Variants in ADGRB1 observed in about 807,000 individuals in gnomAD.
ADGRB1 encodes the protein brain-specific angiogenesis inhibitor 1.
Under a neutral mutation model 175.7 loss-of-function variants are expected in ADGRB1, and 36 were observed. The observed-to-expected ratio is 0.20, with a 90% CI of 0.16 to 0.27. ADGRB1 has a LOEUF of 0.27. Among genes scored for constraint, ADGRB1 ranks in the 10% least tolerant of loss-of-function variants. The probability of loss-of-function intolerance (pLI) is 1.00; values close to 1 mark genes in which losing one functional copy is unlikely to be tolerated. For synonymous variants in ADGRB1, 1,054 were observed against 979.4 expected, an observed-to-expected ratio of 1.08 and a Z score of -1.42; for missense variants, 1,731 against 2,255.3, an observed-to-expected ratio of 0.77 and a Z score of 4.71.
chr8:142,455,689 T>TA lies in ADGRB1; in HGVS notation c.-220+5585_-220+5586insA, dbSNP rs1361650384. Among the ~76,000 whole-genome samples the TA allele has an allele frequency of 2.6e-5, 4 of 152,160 alleles. No homozygotes were observed. The highest frequency in any genetic ancestry group is 5.9e-5 in the Non-Finnish European group (4 of 68,028). On this transcript the variant is annotated intron_variant, in intron 1 of 30. Transcript: ENST00000517894. This position sits in a 1 kb window ranked among gnomAD's most constrained non-coding sequence, Gnocchi z 4.9. ...GGCCAGTTTTGGGGGTGCTGACTCTTGACTGAGACATGTGGTTGAGGGGTC... is the reference window on the plus strand; with the variant it reads ...GGCCAGTTTTGGGGGTGCTGACTCTTAGACTGAGACATGTGGTTGAGGGGTC...
At chr8:142,481,743 G>T in intron 11 of ADGRB1, 32 bp downstream of exon 11, 2 of 1,488,498 alleles carry the variant, frequency 1.3e-6, no homozygotes, top group Non-Finnish European at 9.0e-7. Context: ...TTGGAAGAGG[G>T]TGTCGGGAAG....
At chr8:142,495,143 C>CAG (rs1235835613) in intron 17 of ADGRB1, among the ~76,000 whole-genome samples, 1 of 152,100 alleles carries the variant, frequency 6.6e-6, no homozygotes, top group Non-Finnish European at 1.5e-5. Context: ...TCTTGGTAGG[C>CAG]AGTGTGGACA....
chr8:142,489,514 C>T (rs1841883294), intron 16 of ADGRB1, 76 bp downstream of exon 16: 1 of 1,498,892 alleles, frequency 6.7e-7, no homozygotes, highest in African/African-American at 1.4e-5. Context: ...TCCTCAGCCA[C>T]TAAGCCTTTG....
chr8:142,468,688 G>T (rs142643997), intron 2 of ADGRB1, among the ~76,000 whole-genome samples: 4 of 152,176 alleles, frequency 2.6e-5, no homozygotes, highest in Admixed American at 6.5e-5. Flanking sequence ...CTAGAGACCC[G>T]CAGGGCTCCC....
chr8:142,527,526 A>G (rs1844279854), intron 24 of ADGRB1, among the ~76,000 whole-genome samples: 1 of 151,578 alleles, frequency 6.6e-6, no homozygotes, highest in Non-Finnish European at 1.5e-5. Context: ...CTGGTGTCTG[A>G]TGCTGAGTGC....
Position 142,542,654 on chromosome 8 carries a change from G to T in ADGRB1, c.4413+7G>T. 1 of 1,542,176 alleles carries T rather than the reference G, an allele frequency of 6.5e-7. No homozygotes were observed. Among genetic ancestry groups the T allele is most frequent in the Admixed American group, 2.0e-5 (1 of 50,806 alleles). On this transcript the variant is annotated splice_region_variant and intron_variant, in intron 28 of 30. Coordinates refer to ENST00000517894, the MANE Select transcript of ADGRB1 (RefSeq NM_001702.3). This position sits in a 1 kb window ranked among gnomAD's most constrained non-coding sequence, Gnocchi z 6.3. ...GTCTGTGAGCTCCCTGGAGGTGAGG[G>T]GGGCAGGGGTGGGCCACACCCCAGC...
In ADGRB1 at chr8:142,481,722, C is replaced by G; in HGVS notation, c.2130+11C>G. On this transcript the variant is annotated intron_variant, in intron 11 of 30. Transcript: ENST00000517894. ...CCTGGGGACGTACAGGTGGGCTCCC[C>G]GAGCGGCATTTTGGAAGAGGGTGTC... 2 of 1,535,126 alleles carry G rather than the reference C, an allele frequency of 1.3e-6. No homozygotes were observed. The highest frequency in any genetic ancestry group is 1.7e-4 in the Middle Eastern group (1 of 5,726).
At chr8:142,489,553 G>T in intron 16 of ADGRB1, 115 bp downstream of exon 16, 3 of 1,167,664 alleles carry the variant, frequency 2.6e-6, no homozygotes, top group South Asian at 2.7e-5. Context: ...TTTAACCTTC[G>T]AGAGCTACTT....
At chr8:142,482,955 C>A (rs1053634218) in intron 11 of ADGRB1, among the ~76,000 whole-genome samples, 11 of 150,018 alleles carry the variant, frequency 7.3e-5, no homozygotes, top group Non-Finnish European at 1.5e-4. Flanking sequence ...TACACTGAGC[C>A]CTGACCCTGG....
intron 1 of ADGRB1, among the ~76,000 whole-genome samples, chr8:142,459,183 A>G (rs1839841261): frequency 6.6e-6 from 1 of 152,162 alleles, no homozygotes; most frequent in African/African-American, 2.4e-5. Flanking sequence ...TGCATGGAAC[A>G]CGCCTTTGGA....
rs899346112 is a variant in ADGRB1, at chr8:142,474,235, G to A, written c.785-1239G>A. ...CTTCTGGTGGGTCGGGGTGGCCTGT[G>A]CTTGGCCTGATTGCTGCCCCTGGGG... is the stretch of plus-strand genomic sequence containing the variant. On this transcript the variant is annotated intron_variant, in intron 2 of 30. Transcript: ENST00000517894. This position sits in a 1 kb window ranked among gnomAD's most constrained non-coding sequence, Gnocchi z 5.8. Among the ~76,000 whole-genome samples the A allele has an allele frequency of 2.0e-5, 3 of 152,014 alleles. No individual in the cohort carries two copies. Among genetic ancestry groups the A allele is most frequent in the Non-Finnish European group, 4.4e-5 (3 of 67,960 alleles).
At chr8:142,527,519 G>A (rs1045390009) in intron 24 of ADGRB1, among the ~76,000 whole-genome samples, 2 of 152,112 alleles carry the variant, frequency 1.3e-5, no homozygotes, top group African/African-American at 2.4e-5. Context: ...AGCCGAGCTG[G>A]TGTCTGATGC....
chr8:142,514,199 C>A (rs1220348911), intron 18 of ADGRB1, among the ~76,000 whole-genome samples: 1 of 151,970 alleles, frequency 6.6e-6, no homozygotes, highest in Non-Finnish European at 1.5e-5. Flanking sequence ...ACAGGGGCTG[C>A]TGACCAGGAC....
chr8:142,486,284 A>G (rs957298924), intron 13 of ADGRB1, among the ~76,000 whole-genome samples: 8 of 152,194 alleles, frequency 5.3e-5, no homozygotes. Context: ...TGCAAACCAG[A>G]TGAAAGGAAT....
At chr8:142,528,132 C>T (rs150372266) in intron 24 of ADGRB1, among the ~76,000 whole-genome samples, 2,133 of 152,342 alleles carry the variant, frequency 0.014, 26 homozygotes, top group Non-Finnish European at 0.021. Flanking sequence ...CACACCCACA[C>T]GCATGGGCAC....
chr8:142,476,825 C>T, intron 4 of ADGRB1, 130 bp downstream of exon 4: 1 of 1,030,942 alleles, frequency 9.7e-7, no homozygotes, highest in Non-Finnish European at 1.4e-6. Context: ...AGGTGCAGGG[C>T]TCTTGTCTCC....
Position 142,535,989 on chromosome 8 carries a change from C to T in ADGRB1, c.3571-998C>T, listed in dbSNP as rs187266504. 1.6e-4 allele frequency among the ~76,000 whole-genome samples: 25 copies of T among 152,264 alleles called. No homozygotes were observed. In the East Asian group the frequency reaches 4.5e-3, roughly 27 times the overall value. On this transcript the variant is annotated intron_variant, in intron 25 of 30. Coordinates refer to ENST00000517894, the MANE Select transcript of ADGRB1 (RefSeq NM_001702.3). The stretch of plus-strand genomic sequence containing the variant: ...CAATTCTCTCGCCCGCTTTGGGCCT[C>T]GGTCCCCATCTGCCTGATGAGAGGG...
chr8:142,496,210 T>C (rs913195573), intron 17 of ADGRB1, among the ~76,000 whole-genome samples: 4 of 150,836 alleles, frequency 2.7e-5, no homozygotes, highest in African/African-American at 7.3e-5. Context: ...GGTGGATGGA[T>C]AGATGGGTGG....
intron 1 of ADGRB1, among the ~76,000 whole-genome samples, chr8:142,454,773 C>T (rs753072245): frequency 2.6e-5 from 4 of 152,132 alleles, no homozygotes; most frequent in Non-Finnish European, 1.5e-5. Context: ...CACTCCTGCC[C>T]CACCCTCCCT....
Sources: gnomAD v4.1 joint callset for allele counts (sites outside exome capture counted in the v4.1 genomes callset) on GRCh38, gnomAD v4.1.1 for gene constraint, Gnocchi (gnomAD v3.1) non-coding constraint, MANE v1.5 for transcripts, NCBI Gene and HGNC (gene_info 2026-07-23, HGNC 2026-07-21) for gene names.